The following CTNND2 variants were observed in gnomAD, a reference collection of about 807,000 sequenced individuals.
CTNND2 encodes the protein catenin delta-2.
A neutral mutation model predicts 144.4 loss-of-function variants in CTNND2; 22 were observed. The observed-to-expected ratio is 0.15, with a 90% confidence interval of 0.11 to 0.22. The LOEUF is 0.22. Ranked by LOEUF, CTNND2 falls within the 10% of genes least tolerant of loss-of-function variation. The pLI, the probability that CTNND2 is intolerant of heterozygous loss-of-function variation, is 1.00. For synonymous variants in CTNND2, 751 were observed against 695.6 expected (o/e 1.08, Z -1.25); for missense variants, 1,353 against 1,618.8 (o/e 0.84, Z 2.82).
At chr5:11,389,573 AG>A (rs1759437322) in intron 6 of CTNND2, among the ~76,000 whole-genome samples, 1 of 152,146 alleles carries the variant, frequency 6.6e-6, no homozygotes, top group Non-Finnish European at 1.5e-5. Context: ...GAACTGTTTA[AG>A]GGGAGGATGT....
intron 1 of CTNND2, among the ~76,000 whole-genome samples, chr5:11,843,340 A>G (rs2126987559): frequency 6.6e-6 from 1 of 152,318 alleles, no homozygotes; most frequent in East Asian, 1.9e-4. Flanking sequence ...AGGCAAGAAC[A>G]TCATCAGAGG....
intron 5 of CTNND2, among the ~76,000 whole-genome samples, chr5:11,408,810 T>C (rs958132034): frequency 1.3e-5 from 2 of 152,114 alleles, no homozygotes; most frequent in African/African-American, 4.8e-5. Context: ...TCCTTGTGTG[T>C]AACAGAGTTT....
intron 10 of CTNND2, among the ~76,000 whole-genome samples, chr5:11,217,896 T>A (rs1216475650): frequency 6.6e-6 from 1 of 152,182 alleles, no homozygotes. Flanking sequence ...AGTTTGTGGA[T>A]CTTAGGCATC....
intron 1 of CTNND2, among the ~76,000 whole-genome samples, chr5:11,749,678 A>G (rs1788502080): frequency 6.6e-6 from 1 of 152,078 alleles, no homozygotes. Flanking sequence ...TAGTATATAT[A>G]CACATTTAAA....
At chr5:11,185,137 G>A (rs1234486927) in intron 11 of CTNND2, among the ~76,000 whole-genome samples, 4 of 152,118 alleles carry the variant, frequency 2.6e-5, no homozygotes, top group Non-Finnish European at 5.9e-5. Context: ...TTACCTGCAC[G>A]CCAAACCCAT....
chr5:11,663,277 TCTA>T (rs1399075254), intron 2 of CTNND2, among the ~76,000 whole-genome samples: 1 of 152,188 alleles, frequency 6.6e-6, no homozygotes, highest in Non-Finnish European at 1.5e-5. Context: ...ATTAGATTGA[TCTA>T]TATTAAAAAG....
intron 6 of CTNND2, among the ~76,000 whole-genome samples, chr5:11,394,314 G>C (rs960803283): frequency 6.6e-6 from 1 of 152,176 alleles, no homozygotes; most frequent in African/African-American, 2.4e-5. Flanking sequence ...AAGCACATGG[G>C]CTCATGGCAT....
intron 2 of CTNND2, among the ~76,000 whole-genome samples, chr5:11,728,452 T>C (rs1270320931): frequency 6.6e-6 from 1 of 152,170 alleles, no homozygotes; most frequent in East Asian, 1.9e-4. Context: ...CACTCTAGCC[T>C]GGGCGACAGA....
At position 11,165,655 on chromosome 5, in the gene CTNND2, G is replaced by A. The variant is rs550755767; in HGVS notation, c.1976-5896C>T. 1.9e-3 allele frequency among the ~76,000 whole-genome samples: 291 copies of A among 152,076 alleles called. 1 individual carries two copies. Among genetic ancestry groups the A allele is most frequent in the African/African-American group, 6.9e-3 (287 of 41,490 alleles). On this transcript the variant is annotated intron_variant, in intron 11 of 21. Transcript: ENST00000304623. ...AATATAATTTTGAAAGTTTAATTGC[G>A]AAGACATTTACGTATACTAAAGATA...
At chr5:11,810,067 AAT>A (rs1266841948) in intron 1 of CTNND2, among the ~76,000 whole-genome samples, 1 of 152,186 alleles carries the variant, frequency 6.6e-6, no homozygotes, top group Non-Finnish European at 1.5e-5. Context: ...TGACATCTTA[AAT>A]ATAAGAACTT....
At chr5:11,233,951 A>G (rs1236738829) in intron 10 of CTNND2, among the ~76,000 whole-genome samples, 1 of 151,548 alleles carries the variant, frequency 6.6e-6, no homozygotes, top group Non-Finnish European at 1.5e-5. Context: ...CTTCCTTCTC[A>G]TCCCAGCCTC....
chr5:11,721,428 G>C (rs187748697), intron 2 of CTNND2, among the ~76,000 whole-genome samples: 63 of 152,176 alleles, frequency 4.1e-4, no homozygotes, highest in African/African-American at 1.4e-3. Context: ...TAGAAGTAGA[G>C]AAAATGGTCT....
chr5:11,541,405 A>G (rs1237709210), intron 3 of CTNND2, among the ~76,000 whole-genome samples: 1 of 152,226 alleles, frequency 6.6e-6, no homozygotes, highest in Non-Finnish European at 1.5e-5. Flanking sequence ...GTTCTTTTCC[A>G]AGGTCATCAC....
At chr5:11,528,385 A>T (rs188632532) in intron 3 of CTNND2, among the ~76,000 whole-genome samples, 1 of 152,230 alleles carries the variant, frequency 6.6e-6, no homozygotes, top group Admixed American at 6.5e-5. Flanking sequence ...AACCCATGAA[A>T]TGAAGAGTTC....
At chr5:11,052,857 C>G (rs1279796674) in intron 16 of CTNND2, among the ~76,000 whole-genome samples, 1 of 152,026 alleles carries the variant, frequency 6.6e-6, no homozygotes, top group African/African-American at 2.4e-5. Flanking sequence ...AGAAAAATTA[C>G]CGAATAACAC....
intron 6 of CTNND2, among the ~76,000 whole-genome samples, chr5:11,390,743 G>A (rs1164109701): frequency 6.6e-6 from 1 of 152,206 alleles, no homozygotes; most frequent in East Asian, 1.9e-4. Context: ...CCCGTTTTGT[G>A]GCTTCCCTGA....
rs192737964 is a variant in CTNND2, at chr5:11,664,248, C to G, written c.174+67888G>C. Among the ~76,000 whole-genome samples the G allele has an allele frequency of 1.2e-3, 180 of 152,170 alleles. 1 individual carries two copies. Among genetic ancestry groups the G allele is most frequent in the African/African-American group, 4.1e-3 (171 of 41,494 alleles). Reference sequence around the variant, plus strand: ...TTAAAAGTTCACTTCTGTGTCATACCTTGACAAACATTAAGAGTTTTCAGG... The same window carrying G: ...TTAAAAGTTCACTTCTGTGTCATACGTTGACAAACATTAAGAGTTTTCAGG... On this transcript the variant is annotated intron_variant, in intron 2 of 21. Coordinates refer to ENST00000304623, the MANE Select transcript of CTNND2 (RefSeq NM_001332.4).
At position 11,082,772 on chromosome 5, in the gene CTNND2, G is replaced by A. The variant is rs746858286; in HGVS notation, c.2712C>T (p.Asp904=). The change falls in exon 16 of 22, where the codon GAC becomes GAT. Residue 904 remains aspartate (D), a synonymous_variant. Coordinates refer to ENST00000304623, the MANE Select transcript of CTNND2 (RefSeq NM_001332.4). The stretch of plus-strand genomic sequence containing the variant: ...CCACCGCGCACACCACACGGTCATT[G>A]TCTATTCGGAGCAGCTCCACGAGGA... ...LPILVELLRI[D]NDRVVCAVAT... 1.2e-6 allele frequency: 2 copies of A among 1,614,082 alleles called. No homozygotes were observed. Among genetic ancestry groups the A allele is most frequent in the East Asian group, 2.2e-5 (1 of 44,880 alleles).
intron 1 of CTNND2, among the ~76,000 whole-genome samples, chr5:11,860,945 G>A (rs1202452776): frequency 6.6e-6 from 1 of 152,128 alleles, no homozygotes; most frequent in Non-Finnish European, 1.5e-5. Context: ...TTGCTAAAAG[G>A]TAAATAATGT....
Sources: gnomAD v4.1 joint callset for allele counts (sites outside exome capture counted in the v4.1 genomes callset) on GRCh38, gnomAD v4.1.1 for gene constraint, MANE v1.5 for transcripts, NCBI Gene and HGNC (gene_info 2026-07-23, HGNC 2026-07-21) for gene names.